Variants in USH2A observed in about 807,000 individuals in gnomAD.
The protein encoded by USH2A is usherin.
A neutral mutation model predicts 538.9 loss-of-function variants in USH2A; 443 were observed. That is an observed-to-expected ratio of 0.82 (90% CI 0.76 to 0.89). The LOEUF (loss-of-function observed/expected upper bound fraction) is 0.89, where lower values mean the gene tolerates loss of function less well. USH2A is among the 40% of genes least tolerant of loss of function. USH2A has a pLI of 0.00. For missense variants in USH2A, 6,633 were observed against 6,324.8 expected (o/e 1.05, Z -1.65); for synonymous variants, 2,413 against 2,273.5 (o/e 1.06, Z -1.75).
At chr1:216,023,459 C>CAAAAAAAAAAAAAAAAAAAAAA in intron 32 of USH2A, among the ~76,000 whole-genome samples, 43 of 46,934 alleles carry the variant, frequency 9.2e-4, no homozygotes, top group South Asian at 1.4e-3. Context: ...TCAAAGCAGA[C>CAAAAAAAAAAAAAAAAAAAAAA]AAAAAAAAAA....
rs749814097 is a variant in USH2A, at chr1:215,844,455, T to C, written c.9097A>G (p.Ser3033Gly). ...GTCCAGATGACACGTACAGCTGTACTGTTGATGATGACAACCTCTGGAGGA... is the reference window on the plus strand; with the variant it reads ...GTCCAGATGACACGTACAGCTGTACCGTTGATGATGACAACCTCTGGAGGA... Reference protein sequence around the residue: ...MLPPEVVIINSTAVRVIWTSP... With the variant: ...MLPPEVVIINGTAVRVIWTSP... The change falls in exon 46 of 72, where the codon AGT becomes GGT. Residue 3033 changes from serine (S) to glycine (G), a missense_variant. Physicochemically the swap from Ser to Gly is moderately conservative, Grantham distance 56. Coordinates refer to ENST00000307340, the MANE Select transcript of USH2A (RefSeq NM_206933.4). 3 of 1,612,380 alleles carry C rather than the reference T, an allele frequency of 1.9e-6. No homozygotes were observed. In the Admixed American group the frequency reaches 5.0e-5, roughly 27 times the overall value.
At chr1:215,727,883 C>T (rs556410217) in intron 61 of USH2A, 147 bp downstream of exon 61, 10 of 936,536 alleles carry the variant, frequency 1.1e-5, no homozygotes, top group East Asian at 2.6e-5. Flanking sequence ...ATCTTATCCC[C>T]GTGACTACAT....
At chr1:215,984,116 C>T (rs954308171) in intron 35 of USH2A, among the ~76,000 whole-genome samples, 7 of 152,152 alleles carry the variant, frequency 4.6e-5, no homozygotes, top group African/African-American at 1.2e-4. Context: ...AGCCCATTGC[C>T]ACTGTGAGGA....
chr1:216,415,508 C>CTTTTTTTTTTTTTTTTTTT (rs71161423), intron 3 of USH2A, among the ~76,000 whole-genome samples: 2 of 96,908 alleles, frequency 2.1e-5, no homozygotes, highest in African/African-American at 3.9e-5. Flanking sequence ...CTTCCTGTCA[C>CTTTTTTTTTTTTTTTTTTT]TTTTTTTTTT....
chr1:215,671,292 A>G lies in USH2A; in HGVS notation c.13813T>C (p.Tyr4605His). 6.2e-7 allele frequency: 1 copy of G among 1,613,946 alleles called. No individual in the cohort carries two copies. The highest frequency in any genetic ancestry group is 8.5e-7 in the Non-Finnish European group (1 of 1,179,984). ...GTGCACGCTTGAATTCGTATTTCAT[A>G]CCTTCAGGACATAAGGCAGAAATTA... Reference protein sequence around the residue: ...IVNQLKPFHRYEIRIQACTTL... With the variant: ...IVNQLKPFHRHEIRIQACTTL... Residue 4605 changes from tyrosine (Y) to histidine (H), a missense_variant and splice_region_variant, in exon 64 of 72, where the codon TAT (tyrosine) becomes CAT (histidine). Tyr to His is a moderately conservative substitution (Grantham distance 83). Coordinates refer to ENST00000307340, the MANE Select transcript of USH2A (RefSeq NM_206933.4).
chr1:215,693,408 T>C (rs1658689190), intron 61 of USH2A, among the ~76,000 whole-genome samples: 1 of 152,124 alleles, frequency 6.6e-6, no homozygotes, highest in Non-Finnish European at 1.5e-5. Flanking sequence ...TGTATTGTTA[T>C]ACATAAGGAA....
chr1:216,189,278 A>C (rs1481116000), intron 20 of USH2A, among the ~76,000 whole-genome samples: 1 of 151,914 alleles, frequency 6.6e-6, no homozygotes, highest in South Asian at 2.1e-4. Context: ...CAGAAAAAAA[A>C]CCCTACATAA....
At chr1:215,733,027 C>T (rs892979269) in intron 60 of USH2A, among the ~76,000 whole-genome samples, 7 of 152,006 alleles carry the variant, frequency 4.6e-5, no homozygotes, top group Non-Finnish European at 5.9e-5. Context: ...TTGAGGTAAG[C>T]TAATTTATAC....
At chr1:216,128,342 A>G (rs1389033499) in intron 21 of USH2A, among the ~76,000 whole-genome samples, 1 of 152,082 alleles carries the variant, frequency 6.6e-6, no homozygotes, top group Non-Finnish European at 1.5e-5. Flanking sequence ...TTCTGAAGGT[A>G]TAAAGTATGG....
At chr1:216,400,832 C>T (rs1474365080) in intron 3 of USH2A, among the ~76,000 whole-genome samples, 1 of 152,014 alleles carries the variant, frequency 6.6e-6, no homozygotes, top group Non-Finnish European at 1.5e-5. Context: ...AATTTTATAT[C>T]CAGCAAAAAT....
chr1:216,056,955 A>G (rs1016438620), intron 30 of USH2A, among the ~76,000 whole-genome samples: 1 of 152,206 alleles, frequency 6.6e-6, no homozygotes, highest in African/African-American at 2.4e-5. Context: ...ATCAACTATG[A>G]TTGATAACCT....
intron 13 of USH2A, among the ~76,000 whole-genome samples, chr1:216,239,656 T>A (rs968088010): frequency 1.3e-5 from 2 of 152,142 alleles, no homozygotes; most frequent in Admixed American, 1.3e-4. Context: ...TGATGGGATG[T>A]TACTCAAGTT....
chr1:216,135,171 CACACACAT>C lies in USH2A; in HGVS notation c.4628-37966_4628-37959del, dbSNP rs1448963554. 8.8e-3 allele frequency among the ~76,000 whole-genome samples: 1,050 copies of C among 119,250 alleles called. 12 individuals are homozygous for C. The highest frequency in any genetic ancestry group is 0.034 in the African/African-American group (859 of 25,236). The allele number at this position is 119,250 out of a possible 152,430, so 78.2% of individuals were successfully genotyped here. ...TCTCTCTCTCTCTCTCTCTCTCACA[CACACACAT>C]ACACACACACACACACACACACACA... is the stretch of plus-strand genomic sequence containing the variant. On this transcript the variant is annotated intron_variant, in intron 21 of 71. Coordinates refer to ENST00000307340, the MANE Select transcript of USH2A (RefSeq NM_206933.4).
In USH2A at chr1:215,998,942, T is replaced by C; in HGVS notation, c.6602A>G (p.Gln2201Arg). Residue 2201 changes from glutamine to arginine, a missense_variant, in exon 34 of 72, where the codon CAG (glutamine) becomes CGG (arginine). By Grantham distance (43) the Gln-to-Arg change is conservative. Coordinates refer to ENST00000307340, the MANE Select transcript of USH2A (RefSeq NM_206933.4). ...TAAAACGTATTGTAGCATATGATCC[T>C]GGAAAAGTTCTGTACTGTTATAGAT... ...SVIYNSTELF[Q>R]DHMLQYVLPG... 6.2e-7 allele frequency: 1 copy of C among 1,613,448 alleles called. No individual in the cohort carries two copies. The highest frequency in any genetic ancestry group is 1.1e-5 in the South Asian group (1 of 91,062).
At chr1:215,694,300 G>A (rs192248438) in intron 61 of USH2A, among the ~76,000 whole-genome samples, 25 of 152,290 alleles carry the variant, frequency 1.6e-4, no homozygotes, top group African/African-American at 5.3e-4. Flanking sequence ...CTTGCCAGGC[G>A]TGGTGGCTCA....
At chr1:216,240,331 T>C (rs915093662) in intron 13 of USH2A, among the ~76,000 whole-genome samples, 3 of 152,060 alleles carry the variant, frequency 2.0e-5, no homozygotes, top group Non-Finnish European at 4.4e-5. Context: ...ATGTGAAAGG[T>C]TGCTTGTGAT....
chr1:216,216,646 T>C (rs1015165018), intron 15 of USH2A, among the ~76,000 whole-genome samples: 1 of 152,090 alleles, frequency 6.6e-6, no homozygotes, highest in African/African-American at 2.4e-5. Context: ...GGATGTATGA[T>C]CTTGAAGTAA....
At chr1:215,649,486 C>T (rs1023382756) in intron 65 of USH2A, among the ~76,000 whole-genome samples, 4 of 152,180 alleles carry the variant, frequency 2.6e-5, no homozygotes, top group Non-Finnish European at 4.4e-5. Context: ...TTAAAAAATG[C>T]ATACAATGCC....
At chr1:215,887,888 G>T (rs1665105322) in intron 41 of USH2A, among the ~76,000 whole-genome samples, 1 of 152,180 alleles carries the variant, frequency 6.6e-6, no homozygotes, top group Admixed American at 6.5e-5. Context: ...AATTTCCCTT[G>T]AATGAAGTTT....
Sources: allele counts gnomAD v4.1 joint callset (sites outside exome capture counted in the v4.1 genomes callset), GRCh38; gene constraint gnomAD v4.1.1; transcripts MANE v1.5; gene names NCBI Gene and HGNC (gene_info 2026-07-23, HGNC 2026-07-21).